TOP2A: variants seen among roughly 807,000 people sequenced by gnomAD.
TOP2A encodes the protein DNA topoisomerase II alpha, also known as DNA topoisomerase 2-alpha.
Under a neutral mutation model 187.2 loss-of-function variants are expected in TOP2A, and 68 were observed. The observed-to-expected ratio is 0.36, with a 90% confidence interval of 0.30 to 0.44. TOP2A has a LOEUF of 0.44. TOP2A is among the 20% of genes least tolerant of loss of function. TOP2A has a pLI of 1.00. For missense variants in TOP2A, 1,196 were observed against 1,808.7 expected (o/e 0.66, Z 6.14); for synonymous variants, 542 against 593.2 (o/e 0.91, Z 1.25).
chr17:40,405,335 G>GTATTGTATTGTATTGAAACCCCA (rs1394265472), intron 16 of TOP2A, among the ~76,000 whole-genome samples: 1 of 151,370 alleles, frequency 6.6e-6, no homozygotes. Context: ...ATTTTTAGTA[G>GTATTGTATTGTATTGAAACCCCA]AGATGGGGTT....
rs890982537 is a variant in TOP2A at position 40,416,407 on chromosome 17, A to C, written c.268+15T>G. ...AAAGATTTGACCAGATCTTTATATT[A>C]AAGGATTTACTCACCTAGAATCTCA... On this transcript the variant is annotated intron_variant, in intron 3 of 34. Coordinates refer to ENST00000423485, the MANE Select transcript of TOP2A (RefSeq NM_001067.4). The C allele has an allele frequency of 6.7e-6, 10 of 1,486,378 alleles. No individual in the cohort carries two copies. The highest frequency in any genetic ancestry group is 2.0e-5 in the Admixed American group (1 of 49,914). 92.1% of individuals were successfully genotyped at this position (1,486,378 alleles called of 1,614,324 possible).
chr17:40,400,007 C>G lies in TOP2A; in HGVS notation c.3061G>C (p.Asp1021His), dbSNP rs1379217533. The G allele has an allele frequency of 3.1e-6, 5 of 1,613,170 alleles. No individual in the cohort carries two copies. Among genetic ancestry groups the G allele is most frequent in the Non-Finnish European group, 4.2e-6 (5 of 1,179,694 alleles). ...TATTTAAGTCTGAGTTCAAAAAAGTCTCTTAGAATATCCAACACCGTGTCA... is the reference window on the plus strand; with the variant it reads ...TATTTAAGTCTGAGTTCAAAAAAGTGTCTTAGAATATCCAACACCGTGTCA... ...KYDTVLDILR[D>H]FFELRLKYYG... The change falls in exon 24 of 35, where the codon GAC becomes CAC. Residue 1021 changes from aspartate to histidine, a missense_variant. Physicochemically the swap from Asp to His is moderately conservative, Grantham distance 81. Transcript: ENST00000423485.
At position 40,390,140 on chromosome 17, in the gene TOP2A, C is replaced by A. The variant is rs780010148; in HGVS notation, c.4292G>T (p.Gly1431Val). The change falls in exon 34 of 35, where the codon GGT becomes GTT. Residue 1431 changes from glycine (G) to valine (V), a missense_variant. By Grantham distance (109) the Gly-to-Val change is moderately radical. This residue lies in a region of TOP2A where 374 missense variants were observed against 403.3 expected (regional missense o/e 0.93). Transcript: ENST00000423485. ...TTTTGGGGCAGCCCTTTTTTTGGCA[C>A]CGGTAGTGGAGGTGGAAGACTGACC... ...AKSQSSTSTT[G>V]AKKRAAPKGT... 5 of 1,612,604 alleles carry A rather than the reference C, an allele frequency of 3.1e-6. No homozygotes were observed. The African/African-American group carries it at 6.7e-5, about 22-fold the overall frequency.
intron 29 of TOP2A, 64 bp downstream of exon 29, chr17:40,395,385 G>T: frequency 1.0e-6 from 1 of 1,002,756 alleles, no homozygotes; most frequent in Non-Finnish European, 1.5e-6. Flanking sequence ...TATGTGGAAT[G>T]TACTAGGTAA....
In TOP2A at chr17:40,389,457, G is replaced by C. The variant is rs1250228883; in HGVS notation, c.*62C>G. 1 of 1,526,062 alleles carries C rather than the reference G, an allele frequency of 6.6e-7. No individual in the cohort carries two copies. The highest frequency in any genetic ancestry group is 8.8e-7 in the Non-Finnish European group (1 of 1,132,582). 94.5% of individuals were successfully genotyped at this position (1,526,062 alleles called of 1,614,324 possible). ...AGAGGGGAGGAAGTTAAGAGCTTCAGGTAACTTTAAAACCAGTCTTGGGCT... is the reference window on the plus strand; with the variant it reads ...AGAGGGGAGGAAGTTAAGAGCTTCACGTAACTTTAAAACCAGTCTTGGGCT... On this transcript the variant is annotated 3_prime_UTR_variant, in exon 35 of 35. Coordinates refer to ENST00000423485, the MANE Select transcript of TOP2A (RefSeq NM_001067.4).
chr17:40,412,998 GAA>G (rs1850749982), intron 6 of TOP2A, 27 bp from the exon 7 acceptor site: 1 of 1,571,686 alleles, frequency 6.4e-7, no homozygotes, highest in Non-Finnish European at 8.7e-7. Context: ...TAGGAAACAT[GAA>G]AAATTCAAGT....
intron 7 of TOP2A, among the ~76,000 whole-genome samples, chr17:40,412,397 G>A (rs1414564486): frequency 1.3e-5 from 2 of 152,124 alleles, no homozygotes; most frequent in Non-Finnish European, 1.5e-5. Context: ...TGTAATCCCA[G>A]CACTTTGGGA....
intron 27 of TOP2A, 84 bp downstream of exon 27, chr17:40,398,473 TG>T: frequency 8.4e-7 from 1 of 1,196,082 alleles, no homozygotes; most frequent in South Asian, 1.5e-5. Context: ...TATTGCCAAT[TG>T]TGAACTATCT....
At chr17:40,400,732 T>C in intron 21 of TOP2A, 69 bp from the exon 22 acceptor site, 1 of 1,540,020 alleles carries the variant, frequency 6.5e-7, no homozygotes, top group East Asian at 2.3e-5. Context: ...CAACAGCGTT[T>C]AACAATAAAT....
chr17:40,397,506 G>A (rs2035116265), intron 27 of TOP2A, among the ~76,000 whole-genome samples: 1 of 151,796 alleles, frequency 6.6e-6, no homozygotes, highest in African/African-American at 2.4e-5. Context: ...GGCTGGTCTC[G>A]AACTCCTGAC....
chr17:40,405,602 G>A (rs1436558461), intron 16 of TOP2A, among the ~76,000 whole-genome samples: 1 of 151,694 alleles, frequency 6.6e-6, no homozygotes, highest in Non-Finnish European at 1.5e-5. Flanking sequence ...TTACAGGCGC[G>A]TGTCACCAAG....
Position 40,411,075 on chromosome 17 carries a change from G to A in TOP2A, c.1203+34C>T, listed in dbSNP as rs1201954338. ...GAAGTGCAATGGAAAATAAAGTCAG[G>A]TGTTTCTATTTTTATTTTCCTCTAA... is the stretch of plus-strand genomic sequence containing the variant. On this transcript the variant is annotated intron_variant, in intron 10 of 34. Coordinates refer to ENST00000423485, the MANE Select transcript of TOP2A (RefSeq NM_001067.4). This position sits in a 1 kb window ranked among gnomAD's most constrained non-coding sequence, Gnocchi z 4.4. The A allele has an allele frequency of 6.4e-6, 10 of 1,554,808 alleles. No individual in the cohort carries two copies. The highest frequency in any genetic ancestry group is 8.7e-6 in the Non-Finnish European group (10 of 1,153,482).
rs1432042803 is a variant in TOP2A, at chr17:40,411,012, G to A, written c.1203+97C>T. 8.7e-6 allele frequency: 11 copies of A among 1,259,016 alleles called. No homozygotes were observed. Among genetic ancestry groups the A allele is most frequent in the Non-Finnish European group, 1.2e-5 (11 of 938,576 alleles). The allele number at this position is 1,259,016 out of a possible 1,614,324, so 78.0% of individuals were successfully genotyped here. A position where few individuals can be genotyped will look rare whatever the true frequency, so the allele number is the denominator to read the frequency against. ...TTTCAGATTGGGAAGACTTGGAGAA[G>A]CTCACTATGAGAAGAATCATTGTTT... On this transcript the variant is annotated intron_variant, in intron 10 of 34. Coordinates refer to ENST00000423485, the MANE Select transcript of TOP2A (RefSeq NM_001067.4). The surrounding 1 kb of genome is among the most constrained non-coding windows in gnomAD (Gnocchi z 4.4).
rs369934605 is a variant in TOP2A, at chr17:40,406,477, T to A, written c.1860A>T (p.Thr620=). 6.2e-7 allele frequency: 1 copy of A among 1,613,656 alleles called. No homozygotes were observed. Among genetic ancestry groups the A allele is most frequent in the African/African-American group, 1.3e-5 (1 of 74,940 alleles). ...CAAAGTATTCTTTAGCTTCCTTTGA[T>A]GTGCTGGTGCCCAAACCTATAAAAC... ...VKYYKGLGTS[T]SKEAKEYFAD... The change falls in exon 16 of 35, where the codon ACA becomes ACT. Residue 620 remains threonine, a synonymous_variant. Coordinates refer to ENST00000423485, the MANE Select transcript of TOP2A (RefSeq NM_001067.4).
chr17:40,396,598 T>C (rs1372048476), intron 27 of TOP2A, 133 bp from the exon 28 acceptor site: 11 of 1,105,180 alleles, frequency 1.0e-5, no homozygotes, highest in African/African-American at 4.7e-5. Flanking sequence ...TAACCTAGTA[T>C]ACTATCAACA....
intron 10 of TOP2A, 77 bp from the exon 11 acceptor site, chr17:40,408,707 C>A (rs775887820): frequency 4.2e-6 from 6 of 1,414,308 alleles, no homozygotes; most frequent in South Asian, 1.2e-5. Flanking sequence ...TACAAATGAG[C>A]CTTAATACAA....
Position 40,392,751 on chromosome 17 carries a change from A to G in TOP2A, c.3812-14T>C, listed in dbSNP as rs1461602663. 6.3e-7 allele frequency: 1 copy of G among 1,597,382 alleles called. No homozygotes were observed. The highest frequency in any genetic ancestry group is 8.5e-7 in the Non-Finnish European group (1 of 1,175,456). ...TTGTCTTTGTACCTAGAGGGGAGAT[A>G]GAAATTAATCACCTTTATATATTAG... On this transcript the variant is annotated splice_polypyrimidine_tract_variant and intron_variant, in intron 29 of 34. Coordinates refer to ENST00000423485, the MANE Select transcript of TOP2A (RefSeq NM_001067.4).
chr17:40,410,739 T>C (rs2035310808), intron 10 of TOP2A: 4 of 427,324 alleles, frequency 9.4e-6, no homozygotes, highest in Non-Finnish European at 1.8e-5. Flanking sequence ...TAGGAAGTTG[T>C]TTTTTTGTTG....
intron 20 of TOP2A, 129 bp from the exon 21 acceptor site, chr17:40,401,210 A>C: frequency 1.3e-6 from 1 of 767,970 alleles, no homozygotes; most frequent in Non-Finnish European, 2.1e-6. Flanking sequence ...TACATTTAAC[A>C]ATATTTATTG....
Sources: gnomAD v4.1 joint callset for allele counts (sites outside exome capture counted in the v4.1 genomes callset) on GRCh38, gnomAD v4.1.1 for gene constraint, gnomAD v4.1.1 regional missense constraint, Gnocchi (gnomAD v3.1) non-coding constraint, MANE v1.5 for transcripts, NCBI Gene and HGNC (gene_info 2026-07-23, HGNC 2026-07-21) for gene names.